The following WWOX variants were observed in gnomAD, a reference collection of about 807,000 sequenced individuals.
WWOX encodes WW domain containing oxidoreductase.
Under a neutral mutation model 46.2 loss-of-function variants are expected in WWOX, and 69 were observed. The observed-to-expected ratio is 1.49, with a 90% CI of 1.23 to 1.82. The LOEUF (loss-of-function observed/expected upper bound fraction) is 1.82. Among genes scored for constraint, WWOX ranks in the 40% most tolerant of loss-of-function variants. The probability of loss-of-function intolerance (pLI) is 0.00; values close to 1 mark genes in which losing one functional copy is unlikely to be tolerated. For synonymous variants in WWOX, 359 were observed against 202.6 expected (o/e 1.77, Z -6.56); for missense variants, 919 against 542.6 (o/e 1.69, Z -6.89).
At chr16:79,157,841 G>T (rs1332395005) in intron 8 of WWOX, among the ~76,000 whole-genome samples, 1 of 152,200 alleles carries the variant, frequency 6.6e-6, no homozygotes, top group African/African-American at 2.4e-5. Flanking sequence ...ACTGAACGAG[G>T]CAGGGTAAGT....
At chr16:78,899,708 C>A (rs1262500142) in intron 8 of WWOX, 1 of 152,162 alleles carries the variant, frequency 6.6e-6, no homozygotes, top group Non-Finnish European at 1.5e-5. Flanking sequence ...TCTTCATATT[C>A]CACTTTTTAG....
rs2050446010 is a variant in WWOX, at chr16:79,159,608, A to G, written c.1057-52000A>G. Among the ~76,000 whole-genome samples the G allele has an allele frequency of 3.3e-5, 5 of 152,176 alleles. No individual in the cohort carries two copies. In the South Asian group the frequency reaches 1.0e-3, roughly 32 times the overall value. On this transcript the variant is annotated intron_variant, in intron 8 of 8. Transcript: ENST00000566780. ...ACAAAGAGGAGGCTCAGGGTAGCTG[A>G]TGAGTCCCCCAGAGATTGTCTCTCC...
chr16:78,782,464 A>G (rs1344114177), intron 8 of WWOX, among the ~76,000 whole-genome samples: 1 of 152,096 alleles, frequency 6.6e-6, no homozygotes, highest in Non-Finnish European at 1.5e-5. Context: ...CAGCATTCCA[A>G]CGATTCTAAA....
chr16:78,314,701 G>GTTTTTTTTTTT (rs920575863), intron 5 of WWOX, among the ~76,000 whole-genome samples: 59 of 61,264 alleles, frequency 9.6e-4, no homozygotes, highest in African/African-American at 3.1e-3. Context: ...TTTTTTTTTT[G>GTTTTTTTTTTT]TTTTTTTTTT....
intron 8 of WWOX, among the ~76,000 whole-genome samples, chr16:78,956,498 C>T (rs995016531): frequency 3.3e-5 from 5 of 152,100 alleles, no homozygotes; most frequent in Non-Finnish European, 7.4e-5. Flanking sequence ...ACATCATCAT[C>T]ACCTAAAGTC....
chr16:79,057,502 T>C (rs74034328), intron 8 of WWOX, among the ~76,000 whole-genome samples: 18,489 of 152,200 alleles, frequency 0.12, 2,191 homozygotes, highest in African/African-American at 0.3. Flanking sequence ...ATTTCTGTTA[T>C]ATTTCCTGTG....
chr16:78,360,827 CT>C (rs59558603), intron 5 of WWOX, among the ~76,000 whole-genome samples: 126,781 of 150,160 alleles, frequency 0.84, 54,168 homozygotes, highest in Non-Finnish European at 0.9. Flanking sequence ...GCCTTTAGTG[CT>C]TTTTTTTTTT....
At chr16:78,700,470 A>G (rs930022530) in intron 8 of WWOX, among the ~76,000 whole-genome samples, 4 of 152,122 alleles carry the variant, frequency 2.6e-5, no homozygotes, top group African/African-American at 7.2e-5. Context: ...CTAGTTTAAC[A>G]TATGCATTTG....
chr16:79,181,167 A>G (rs555495986), intron 8 of WWOX, among the ~76,000 whole-genome samples: 5 of 152,340 alleles, frequency 3.3e-5, no homozygotes, highest in South Asian at 4.1e-4. Flanking sequence ...TACATGCACT[A>G]TAGGAGTGGA....
chr16:78,164,067 A>G (rs917737608), intron 4 of WWOX, 116 bp from the exon 5 acceptor site: 10 of 973,902 alleles, frequency 1.0e-5, no homozygotes, highest in African/African-American at 1.6e-5. Flanking sequence ...GGGGATCAAA[A>G]TCACCCCTGG....
At chr16:78,373,823 T>C (rs928080385) in intron 5 of WWOX, among the ~76,000 whole-genome samples, 1 of 152,220 alleles carries the variant, frequency 6.6e-6, no homozygotes, top group Non-Finnish European at 1.5e-5. Context: ...AGAGTCTCAG[T>C]GTCACCCAGG....
chr16:78,703,192 C>G (rs1045895898), intron 8 of WWOX, among the ~76,000 whole-genome samples: 2 of 151,092 alleles, frequency 1.3e-5, no homozygotes, highest in African/African-American at 4.9e-5. Flanking sequence ...CTTCTCCGCT[C>G]CTTCCTGACA....
chr16:78,706,259 A>G (rs1175184971), intron 8 of WWOX, among the ~76,000 whole-genome samples: 1 of 152,042 alleles, frequency 6.6e-6, no homozygotes, highest in Non-Finnish European at 1.5e-5. Flanking sequence ...TGACCCATAT[A>G]AACTTTGTCT....
chr16:78,682,415 A>G lies in WWOX; in HGVS notation c.1056+249663A>G, dbSNP rs368598548. Among the ~76,000 whole-genome samples, 7 of 152,268 alleles carry G rather than the reference A, an allele frequency of 4.6e-5. No individual in the cohort carries two copies. In the East Asian group the frequency reaches 5.8e-4, roughly 13 times the overall value. ...TGTGGGTAGTTGGCACCAGTCTTCA[A>G]TGAATTATTTTTCCTTTAGCCGGGT... On this transcript the variant is annotated intron_variant, in intron 8 of 8. Transcript: ENST00000566780.
At chr16:78,747,522 A>G (rs1005042121) in intron 8 of WWOX, among the ~76,000 whole-genome samples, 2 of 152,334 alleles carry the variant, frequency 1.3e-5, no homozygotes, top group East Asian at 1.9e-4. Context: ...GACAGGCATT[A>G]CAATGAGCCT....
At chr16:78,230,640 G>A (rs879783447) in intron 5 of WWOX, among the ~76,000 whole-genome samples, 2 of 152,270 alleles carry the variant, frequency 1.3e-5, no homozygotes, top group Admixed American at 6.5e-5. Flanking sequence ...TGGGTAATTC[G>A]CAAAGGTTTT....
chr16:78,621,595 T>C (rs1164135333), intron 8 of WWOX, among the ~76,000 whole-genome samples: 1 of 60,016 alleles, frequency 1.7e-5, no homozygotes, highest in African/African-American at 6.6e-5. Flanking sequence ...TTCTAATCTT[T>C]TTTTTTTTTT....
chr16:78,478,014 G>T (rs533679860), intron 8 of WWOX, among the ~76,000 whole-genome samples: 7 of 152,230 alleles, frequency 4.6e-5, no homozygotes, highest in Admixed American at 3.3e-4. Context: ...CCTAACATTT[G>T]TTATTTTAAA....
At chr16:79,027,628 G>T (rs1396782343) in intron 8 of WWOX, among the ~76,000 whole-genome samples, 1 of 151,726 alleles carries the variant, frequency 6.6e-6, no homozygotes, top group Non-Finnish European at 1.5e-5. Flanking sequence ...CTTTCCTATC[G>T]TGAATTCGGT....
Sources: gnomAD v4.1 joint callset for allele counts (sites outside exome capture counted in the v4.1 genomes callset) on GRCh38, gnomAD v4.1.1 for gene constraint, MANE v1.5 for transcripts, NCBI Gene and HGNC (gene_info 2026-07-23, HGNC 2026-07-21) for gene names.